Variants in RNPS1 observed in about 807,000 individuals in gnomAD.
RNPS1 encodes the protein RNA-binding protein with serine-rich domain 1.
For missense variants in RNPS1, 300 were observed against 427.6 expected (o/e 0.70, Z 2.63); for synonymous variants, 147 against 150.0 (o/e 0.98, Z 0.15).
chr16:2,263,734 T>A lies in RNPS1; in HGVS notation c.227+442A>T, dbSNP rs1013542750. Among the ~76,000 whole-genome samples, 4 of 152,178 alleles carry A rather than the reference T, an allele frequency of 2.6e-5. No individual in the cohort carries two copies. In the East Asian group the frequency reaches 7.7e-4, roughly 29 times the overall value. ...ATCAAGCCATCCTCCTGACTCAGCCTCCCGAGTAGCTGGGAGTACAGGCGT... is the reference window on the plus strand; with the variant it reads ...ATCAAGCCATCCTCCTGACTCAGCCACCCGAGTAGCTGGGAGTACAGGCGT... On this transcript the variant is annotated intron_variant, in intron 3 of 7. Transcript: ENST00000320225.
chr16:2,266,302 A>C, intron 1 of RNPS1: 1 of 985,454 alleles, frequency 1.0e-6, no homozygotes. Context: ...GCTCTTGTCC[A>C]GGGGTAAAAT....
At chr16:2,266,475 A>T in intron 1 of RNPS1, 7 of 952,596 alleles carry the variant, frequency 7.3e-6, no homozygotes, top group Non-Finnish European at 8.7e-6. Context: ...ATTTTAGACA[A>T]GTCACTTATC....
At chr16:2,262,941 A>C (rs1459927681) in intron 4 of RNPS1, 99 bp from the exon 5 acceptor site, 2 of 1,319,960 alleles carry the variant, frequency 1.5e-6, no homozygotes, top group East Asian at 2.3e-5. Context: ...GACAGTTTTC[A>C]TAAGGAAGAC....
At chr16:2,266,028 A>T in intron 1 of RNPS1, 1 of 792,870 alleles carries the variant, frequency 1.3e-6, no homozygotes, top group South Asian at 5.7e-5. Flanking sequence ...TGCCTTCAGT[A>T]TTTCTAGTAA....
intron 1 of RNPS1, chr16:2,265,400 T>C (rs1339213240): frequency 1.3e-5 from 2 of 152,016 alleles, no homozygotes; most frequent in Non-Finnish European, 1.5e-5. Context: ...CAATTCACTT[T>C]TAAAGAAAAA....
At position 2,264,570 on chromosome 16, in the gene RNPS1, T is replaced by A; in HGVS notation, c.71+3A>T. On this transcript the variant is annotated splice_donor_region_variant and intron_variant, in intron 2 of 7. Coordinates refer to ENST00000320225, the MANE Select transcript of RNPS1 (RefSeq NM_080594.4). Reference sequence around the variant, plus strand: ...CACTAGAAAAATCTTACAGAAGGATTACCTAGTGCTGGACTTTTTATTATT... The same window carrying A: ...CACTAGAAAAATCTTACAGAAGGATAACCTAGTGCTGGACTTTTTATTATT... 1 of 1,611,114 alleles carries A rather than the reference T, an allele frequency of 6.2e-7. No homozygotes were observed. The highest frequency in any genetic ancestry group is 8.5e-7 in the Non-Finnish European group (1 of 1,178,022).
At chr16:2,259,087 T>A (rs1029827297) in intron 6 of RNPS1, among the ~76,000 whole-genome samples, 2 of 143,600 alleles carry the variant, frequency 1.4e-5, no homozygotes, top group Non-Finnish European at 3.0e-5. Context: ...TGCACCATTG[T>A]ACTCCAGCCT....
At position 2,262,746 on chromosome 16, in the gene RNPS1, C is replaced by T. The variant is rs949062380; in HGVS notation, c.516G>A (p.Val172=). 6.2e-7 allele frequency: 1 copy of T among 1,612,434 alleles called. No individual in the cohort carries two copies. The highest frequency in any genetic ancestry group is 1.3e-5 in the African/African-American group (1 of 75,018). The change falls in exon 5 of 8, where the codon GTG becomes GTA. Residue 172 remains valine, a synonymous_variant. Coordinates refer to ENST00000320225, the MANE Select transcript of RNPS1 (RefSeq NM_080594.4). ...KVHIGRLTRN[V]TKDHIMEIFS... ...AGAGATCCATGATCCTCACCTTTGT[C>T]ACATTCCGGGTGAGTCTCCCAATGT...
chr16:2,260,408 A>G (rs543982288), intron 6 of RNPS1, among the ~76,000 whole-genome samples: 1 of 152,190 alleles, frequency 6.6e-6, no homozygotes, highest in Non-Finnish European at 1.5e-5. Context: ...CATGTTGCCC[A>G]GTCTATTTGT....
chr16:2,261,499 A>C (rs897753691), intron 6 of RNPS1, among the ~76,000 whole-genome samples: 4 of 152,220 alleles, frequency 2.6e-5, no homozygotes, highest in Admixed American at 2.6e-4. Context: ...CTCGTGATTA[A>C]TAAATACATA....
In RNPS1 at chr16:2,263,273, G is replaced by A; in HGVS notation, c.242C>T (p.Ser81Leu). The change falls in exon 4 of 8, where the codon TCG (serine) becomes TTG (leucine). Residue 81 changes from serine (S) to leucine (L), a missense_variant. Physicochemically the swap from Ser to Leu is moderately radical, Grantham distance 145. Transcript: ENST00000320225. ...GSSSTRSRSSSTSSSGSSTST... is the reference protein window; with the variant it reads ...GSSSTRSRSSLTSSSGSSTST... ...GGTGCTGGAGCCTGAGCTGGAAGTC[G>A]AGCTGGACCGAGACCTGAGGGCAAG... The A allele has an allele frequency of 2.5e-6, 4 of 1,613,848 alleles. No individual in the cohort carries two copies. The highest frequency in any genetic ancestry group is 1.6e-4 in the Middle Eastern group (1 of 6,062).
intron 6 of RNPS1, among the ~76,000 whole-genome samples, chr16:2,259,223 T>C (rs1188722483): frequency 6.6e-6 from 1 of 152,130 alleles, no homozygotes; most frequent in East Asian, 1.9e-4. Context: ...CAGGAAGCAC[T>C]ACCAAATATA....
intron 6 of RNPS1, among the ~76,000 whole-genome samples, chr16:2,260,171 T>G (rs985270377): frequency 4.3e-4 from 60 of 139,868 alleles, no homozygotes; most frequent in African/African-American, 1.6e-3. Flanking sequence ...TTTTTTTTTT[T>G]TTGAGACCTA....
rs530841373 is a variant in RNPS1, at chr16:2,255,623, C to T, written c.780G>A (p.Pro260=). ...GTGGGGGAGACCTGCGCCACATAGGCGGTGGTGGCAACATTCTCCTGGGAG... is the reference window on the plus strand; with the variant it reads ...GTGGGGGAGACCTGCGCCACATAGGTGGTGGTGGCAACATTCTCCTGGGAG... ...FSPPRRMLPP[P]PMWRRSPPRM... The change falls in exon 7 of 8, where the codon CCG becomes CCA. Residue 260 remains proline (P), a synonymous_variant. Coordinates refer to ENST00000320225, the MANE Select transcript of RNPS1 (RefSeq NM_080594.4). 8.7e-6 allele frequency: 14 copies of T among 1,607,380 alleles called. No homozygotes were observed. The African/African-American group carries it at 1.2e-4, about 14-fold the overall frequency.
At chr16:2,257,830 C>T (rs1353438272) in intron 6 of RNPS1, 1 of 152,254 alleles carries the variant, frequency 6.6e-6, no homozygotes, top group Non-Finnish European at 1.5e-5. Flanking sequence ...AGCTAAGCTA[C>T]TTATACAGTT....
chr16:2,264,226 C>T lies in RNPS1; in HGVS notation c.177G>A (p.Arg59=). Residue 59 remains arginine, a synonymous_variant, in exon 3 of 8, where the codon CGG becomes CGA. Coordinates refer to ENST00000320225, the MANE Select transcript of RNPS1 (RefSeq NM_080594.4). ...TKESSEKDRG[R]DKTRKRRSAS... ...CGCTGCGCCTCTTTCGGGTTTTGTC[C>T]CGGCCGCGATCCTTCTCACTCGACT... 1 of 1,614,088 alleles carries T rather than the reference C, an allele frequency of 6.2e-7. No homozygotes were observed.
chr16:2,257,417 T>A (rs768525395), intron 6 of RNPS1: 3 of 150,692 alleles, frequency 2.0e-5, no homozygotes, highest in Non-Finnish European at 4.4e-5. Flanking sequence ...CAGCACTGAC[T>A]CTATAATAAT....
At chr16:2,260,734 C>A (rs2093599723) in intron 6 of RNPS1, among the ~76,000 whole-genome samples, 1 of 152,192 alleles carries the variant, frequency 6.6e-6, no homozygotes, top group Non-Finnish European at 1.5e-5. Context: ...GTTCTTGCTC[C>A]ACTGTATACA....
chr16:2,262,458 C>A (rs202194057), intron 5 of RNPS1, 27 bp from the exon 6 acceptor site: 3 of 1,612,926 alleles, frequency 1.9e-6, no homozygotes, highest in Non-Finnish European at 2.5e-6. Context: ...GTCACGCCAA[C>A]GCCCAGCTAC....
Sources: allele counts gnomAD v4.1 joint callset (sites outside exome capture counted in the v4.1 genomes callset), GRCh38; gene constraint gnomAD v4.1.1; transcripts MANE v1.5; gene names NCBI Gene and HGNC (gene_info 2026-07-23, HGNC 2026-07-21).